CDH18: variants seen among roughly 807,000 people sequenced by gnomAD.
CDH18 encodes cadherin-18.
Under a neutral mutation model 67.9 loss-of-function variants are expected in CDH18, and 31 were observed. The ratio of observed to expected loss-of-function variants is 0.46; its 90% CI spans 0.34 to 0.62. The LOEUF is 0.62. Ranked by LOEUF, CDH18 falls within the 20% of genes least tolerant of loss-of-function variation. CDH18 has a pLI of 0.01. For missense variants in CDH18, 890 were observed against 975.5 expected (o/e 0.91, Z 1.17); for synonymous variants, 362 against 347.2 (o/e 1.04, Z -0.48).
At chr5:19,682,798 T>C (rs934102287) in intron 5 of CDH18, among the ~76,000 whole-genome samples, 3 of 152,112 alleles carry the variant, frequency 2.0e-5, no homozygotes, top group Non-Finnish European at 4.4e-5. Context: ...CCTTTATATA[T>C]GCAGGACATG....
At chr5:19,901,373 G>C (rs1308006961) in intron 2 of CDH18, among the ~76,000 whole-genome samples, 1 of 151,928 alleles carries the variant, frequency 6.6e-6, no homozygotes, top group Non-Finnish European at 1.5e-5. Context: ...TAGTTTTCTT[G>C]TTCATTGTCT....
intron 1 of CDH18, among the ~76,000 whole-genome samples, chr5:20,369,125 T>C (rs965679602): frequency 1.3e-5 from 2 of 151,424 alleles, no homozygotes; most frequent in Non-Finnish European, 2.9e-5. Context: ...TCCCGGAAAA[T>C]TGATTTTTTT....
intron 2 of CDH18, among the ~76,000 whole-genome samples, chr5:20,157,845 T>C (rs1355511767): frequency 6.6e-6 from 1 of 152,102 alleles, no homozygotes; most frequent in East Asian, 1.9e-4. Flanking sequence ...TTTCACCATG[T>C]TGGCCAGGAT....
intron 1 of CDH18, among the ~76,000 whole-genome samples, chr5:20,423,052 T>A (rs1218203114): frequency 6.6e-6 from 1 of 151,152 alleles, no homozygotes; most frequent in Non-Finnish European, 1.5e-5. Context: ...GAAAATGATT[T>A]GGTGGAAACA....
At chr5:19,963,040 T>C (rs754817883) in intron 2 of CDH18, among the ~76,000 whole-genome samples, 24 of 152,052 alleles carry the variant, frequency 1.6e-4, no homozygotes, top group Non-Finnish European at 2.6e-4. Context: ...AATTGATCCA[T>C]AATCATTGCT....
At chr5:20,458,977 A>G (rs1274619305) in intron 1 of CDH18, among the ~76,000 whole-genome samples, 1 of 152,208 alleles carries the variant, frequency 6.6e-6, no homozygotes, top group African/African-American at 2.4e-5. Context: ...TTTATTCTAA[A>G]AAAACCAATT....
intron 2 of CDH18, among the ~76,000 whole-genome samples, chr5:20,254,137 G>A (rs1013769096): frequency 2.0e-5 from 3 of 152,154 alleles, no homozygotes; most frequent in African/African-American, 7.2e-5. Flanking sequence ...TTCTGAGATG[G>A]AGTTTAGCTC....
At position 19,622,474 on chromosome 5, in the gene CDH18, T is replaced by C. The variant is rs938439829; in HGVS notation, c.644-9873A>G. Among the ~76,000 whole-genome samples, 26 of 152,300 alleles carry C rather than the reference T, an allele frequency of 1.7e-4. No homozygotes were observed. In the East Asian group the frequency reaches 2.5e-3, roughly 15 times the overall value. On this transcript the variant is annotated intron_variant, in intron 5 of 12. Coordinates refer to ENST00000382275, the MANE Select transcript of CDH18 (RefSeq NM_004934.5). ...AAGCCTCCTATAAATTCTTTGACAATAGTCCCATCAGTCATCTGGGTCTAT... is the reference window on the plus strand; with the variant it reads ...AAGCCTCCTATAAATTCTTTGACAACAGTCCCATCAGTCATCTGGGTCTAT...
intron 1 of CDH18, among the ~76,000 whole-genome samples, chr5:20,561,646 T>C (rs1161716402): frequency 3.3e-5 from 5 of 152,084 alleles, no homozygotes; most frequent in Admixed American, 6.6e-5. Flanking sequence ...GAAGCTCAAC[T>C]ATTCTGTATG....
intron 2 of CDH18, among the ~76,000 whole-genome samples, chr5:19,946,518 TA>T (rs150392741): frequency 7.4e-4 from 112 of 152,280 alleles, no homozygotes; most frequent in African/African-American, 2.6e-3. Context: ...GATATGGTGC[TA>T]AATGAATCCG....
intron 2 of CDH18, among the ~76,000 whole-genome samples, chr5:19,855,652 T>C (rs903162165): frequency 1.1e-4 from 16 of 152,118 alleles, no homozygotes; most frequent in Non-Finnish European, 2.1e-4. Context: ...GTGCTTGAGG[T>C]GGTGAGAAGC....
At chr5:19,663,790 T>A (rs1007604695) in intron 5 of CDH18, among the ~76,000 whole-genome samples, 8 of 151,944 alleles carry the variant, frequency 5.3e-5, no homozygotes, top group Non-Finnish European at 1.0e-4. Flanking sequence ...GCAATATTTT[T>A]AAAAATGATA....
intron 1 of CDH18, among the ~76,000 whole-genome samples, chr5:20,529,040 C>T (rs1256265791): frequency 6.6e-6 from 1 of 151,802 alleles, no homozygotes; most frequent in Non-Finnish European, 1.5e-5. Flanking sequence ...CAAAAAAATA[C>T]AATCAGAAAT....
At chr5:19,939,013 A>G (rs1794566025) in intron 2 of CDH18, among the ~76,000 whole-genome samples, 1 of 151,192 alleles carries the variant, frequency 6.6e-6, no homozygotes, top group Non-Finnish European at 1.5e-5. Context: ...GTTCATAAAC[A>G]AAGAGATGCT....
At chr5:19,767,804 T>C (rs1340764777) in intron 3 of CDH18, among the ~76,000 whole-genome samples, 1 of 152,100 alleles carries the variant, frequency 6.6e-6, no homozygotes, top group Non-Finnish European at 1.5e-5. Context: ...AAAATTGTAA[T>C]AAGTAACTGT....
chr5:19,490,394 GTTT>G (rs70950073), intron 11 of CDH18, among the ~76,000 whole-genome samples: 1,307 of 60,126 alleles, frequency 0.022, 118 homozygotes, highest in African/African-American at 0.071. Context: ...ATAAAAATCT[GTTT>G]TTTTTTTTTT....
intron 3 of CDH18, among the ~76,000 whole-genome samples, chr5:19,766,170 T>G (rs1773067636): frequency 6.6e-6 from 1 of 152,180 alleles, no homozygotes; most frequent in South Asian, 2.1e-4. Flanking sequence ...TCAGCCATCG[T>G]GCCCGACCCA....
At chr5:20,382,659 A>G (rs115651197) in intron 1 of CDH18, among the ~76,000 whole-genome samples, 2,105 of 152,250 alleles carry the variant, frequency 0.014, 41 homozygotes, top group African/African-American at 0.048. Flanking sequence ...TAAGGGGTGC[A>G]ATTAGGAACA....
chr5:20,424,778 T>C (rs1398324671), intron 1 of CDH18, among the ~76,000 whole-genome samples: 2 of 98,948 alleles, frequency 2.0e-5, no homozygotes, highest in Non-Finnish European at 4.1e-5. Flanking sequence ...AAAAAGGAAG[T>C]GAACCAAGAT....
Sources: allele counts gnomAD v4.1 joint callset (sites outside exome capture counted in the v4.1 genomes callset), GRCh38; gene constraint gnomAD v4.1.1; transcripts MANE v1.5; gene names NCBI Gene and HGNC (gene_info 2026-07-23, HGNC 2026-07-21).